Variants in MAP1A observed in about 807,000 individuals in gnomAD.
MAP1A encodes microtubule associated protein 1A, also known as microtubule-associated protein 1A.
A neutral mutation model predicts 185.9 loss-of-function variants in MAP1A; 42 were observed. The observed-to-expected ratio is 0.23, with a 90% CI of 0.18 to 0.29. The LOEUF is 0.29. MAP1A is among the 10% of genes least tolerant of loss of function. The probability of loss-of-function intolerance (pLI) is 1.00; values close to 1 mark genes in which losing one functional copy is unlikely to be tolerated. For synonymous variants in MAP1A, 1,229 were observed against 1,335.9 expected (o/e 0.92, Z 1.74); for missense variants, 2,995 against 3,450.4 (o/e 0.87, Z 3.31).
At position 43,526,603 on chromosome 15, in the gene MAP1A, C is replaced by A. The variant is rs766162870; in HGVS notation, c.5130C>A (p.His1710Gln). 9 of 1,614,148 alleles carry A rather than the reference C, an allele frequency of 5.6e-6. No individual in the cohort carries two copies. Among genetic ancestry groups the A allele is most frequent in the Non-Finnish European group, 7.6e-6 (9 of 1,180,032 alleles). Residue 1710 changes from histidine to glutamine, a missense_variant, in exon 4 of 6, where the codon CAC (histidine) becomes CAA (glutamine). Physicochemically the swap from His to Gln is conservative, Grantham distance 24. Coordinates refer to ENST00000300231, the MANE Select transcript of MAP1A (RefSeq NM_002373.6). This position sits in a 1 kb window ranked among gnomAD's most constrained non-coding sequence, Gnocchi z 4.7. ...LSCERKVWFP[H>Q]ELDGQGARPH... ...GTGAGCGGAAGGTCTGGTTCCCTCA[C>A]GAGCTGGATGGCCAGGGGGCCCGCC...
chr15:43,527,060 C>T lies in MAP1A; in HGVS notation c.5587C>T (p.Pro1863Ser), dbSNP rs774854013. ...TGCACCCCTCTCCCCAGCTCCTGGTCCCCCCACACCTGCCCCGGAATCCCA... is the reference window on the plus strand; with the variant it reads ...TGCACCCCTCTCCCCAGCTCCTGGTTCCCCCACACCTGCCCCGGAATCCCA... ...PPAPLSPAPG[P>S]PTPAPESHTP... The change falls in exon 4 of 6, where the codon CCC becomes TCC. Residue 1863 changes from proline (P) to serine (S), a missense_variant. Pro to Ser is a moderately conservative substitution (Grantham distance 74). Around this residue, in one of 3 missense-constraint regions of MAP1A, gnomAD observed 2,728 missense variants for 2,986.0 expected, o/e 0.91. Coordinates refer to ENST00000300231, the MANE Select transcript of MAP1A (RefSeq NM_002373.6). 1.3e-6 allele frequency: 2 copies of T among 1,556,994 alleles called. No individual in the cohort carries two copies. The highest frequency in any genetic ancestry group is 1.7e-6 in the Non-Finnish European group (2 of 1,148,512).
rs758518374 is a variant in MAP1A, at chr15:43,525,007, A to G, written c.3534A>G (p.Glu1178=). ...CCAAGTCTCCCTGTGGCCTGACAGA[A>G]CAGTACCTACACAAAGACCGTTGGC... is the stretch of plus-strand genomic sequence containing the variant. ...PTPKSPCGLT[E]QYLHKDRWPE... The change falls in exon 4 of 6, where the codon GAA becomes GAG. Residue 1178 remains glutamate, a synonymous_variant. Coordinates refer to ENST00000300231, the MANE Select transcript of MAP1A (RefSeq NM_002373.6). 1.2e-5 allele frequency: 19 copies of G among 1,614,176 alleles called. No homozygotes were observed. The highest frequency in any genetic ancestry group is 1.7e-5 in the Admixed American group (1 of 60,022).
intron 1 of MAP1A, among the ~76,000 whole-genome samples, chr15:43,519,018 A>T (rs529858033): frequency 6.6e-6 from 1 of 152,132 alleles, no homozygotes; most frequent in Non-Finnish European, 1.5e-5. Context: ...GGAGGGGTAG[A>T]TAGAAAGCAA....
In MAP1A at chr15:43,531,553, GT is replaced by G. The variant is rs1174323821; in HGVS notation, c.*1331del. The G allele has an allele frequency of 1.6e-4, 25 of 152,804 alleles. No individual in the cohort carries two copies. The highest frequency in any genetic ancestry group is 5.8e-4 in the African/African-American group (24 of 41,426). 9.5% of individuals were successfully genotyped at this position (152,804 alleles called of 1,614,324 possible). A position where few individuals can be genotyped will look rare whatever the true frequency, so the allele number is the denominator to read the frequency against. On this transcript the variant is annotated 3_prime_UTR_variant, in exon 6 of 6. Coordinates refer to ENST00000300231, the MANE Select transcript of MAP1A (RefSeq NM_002373.6). ...CTCCTCCCCACGCTTCCCTGCTATA[GT>G]TCCCAGCTGCTGTAACGGAGCCACC... is the stretch of plus-strand genomic sequence containing the variant.
At position 43,524,711 on chromosome 15, in the gene MAP1A, G is replaced by C; in HGVS notation, c.3238G>C (p.Asp1080His). 1 of 1,614,106 alleles carries C rather than the reference G, an allele frequency of 6.2e-7. No individual in the cohort carries two copies. The highest frequency in any genetic ancestry group is 8.5e-7 in the Non-Finnish European group (1 of 1,179,976). The change falls in exon 4 of 6, where the codon GAT (aspartate) becomes CAT (histidine). Residue 1080 changes from aspartate to histidine, a missense_variant. Asp to His is a moderately conservative substitution (Grantham distance 81, BLOSUM62 -1). This residue lies in a region of MAP1A where 2,728 missense variants were observed against 2,986.0 expected (regional missense o/e 0.91). Coordinates refer to ENST00000300231, the MANE Select transcript of MAP1A (RefSeq NM_002373.6). ...PQAQEAPVNI[D>H]EGLTGCTIQL... ...GGCCCAGGAAGCACCTGTCAACATTGATGAGGGGCTTACAGGCTGTACCAT... is the reference window on the plus strand; with the variant it reads ...GGCCCAGGAAGCACCTGTCAACATTCATGAGGGGCTTACAGGCTGTACCAT...
At position 43,524,898 on chromosome 15, in the gene MAP1A, A is replaced by T. The variant is rs372063953; in HGVS notation, c.3425A>T (p.Asp1142Val). The T allele has an allele frequency of 1.1e-4, 170 of 1,614,046 alleles. No individual in the cohort carries two copies. Among genetic ancestry groups the T allele is most frequent in the Non-Finnish European group, 1.4e-4 (167 of 1,180,036 alleles). Reference protein sequence around the residue: ...PQKDEVLRYPDRSLSPEDAES... With the variant: ...PQKDEVLRYPVRSLSPEDAES... ...AAAGATGAGGTGCTCAGATATCCTGACCGAAGCCTCTCTCCTGAAGATGCA... is the reference window on the plus strand; with the variant it reads ...AAAGATGAGGTGCTCAGATATCCTGTCCGAAGCCTCTCTCCTGAAGATGCA... The change falls in exon 4 of 6, where the codon GAC (aspartate) becomes GTC (valine). Residue 1142 changes from aspartate (D) to valine (V), a missense_variant. Asp to Val is a radical substitution (Grantham distance 152). Around this residue, in one of 3 missense-constraint regions of MAP1A, gnomAD observed 2,728 missense variants for 2,986.0 expected, o/e 0.91. Coordinates refer to ENST00000300231, the MANE Select transcript of MAP1A (RefSeq NM_002373.6).
Position 43,524,539 on chromosome 15 carries a change from A to G in MAP1A, c.3066A>G (p.Gln1022=), listed in dbSNP as rs749536251. ...QSPVEEKSEP[Q]DFQEADSWGD... Reference sequence around the variant, plus strand: ...CAGTGGAAGAAAAGTCTGAGCCCCAAGACTTTCAGGAGGCAGACTCCTGGG... The same window carrying G: ...CAGTGGAAGAAAAGTCTGAGCCCCAGGACTTTCAGGAGGCAGACTCCTGGG... Residue 1022 remains glutamine, a synonymous_variant, in exon 4 of 6, where the codon CAA becomes CAG. Coordinates refer to ENST00000300231, the MANE Select transcript of MAP1A (RefSeq NM_002373.6). 4.3e-6 allele frequency: 7 copies of G among 1,614,158 alleles called. No individual in the cohort carries two copies. The highest frequency in any genetic ancestry group is 5.9e-6 in the Non-Finnish European group (7 of 1,180,036).
Position 43,529,332 on chromosome 15 carries a change from G to T in MAP1A, c.7859G>T (p.Arg2620Leu). The T allele has an allele frequency of 2.5e-6, 4 of 1,614,036 alleles. No individual in the cohort carries two copies. Among genetic ancestry groups the T allele is most frequent in the Non-Finnish European group, 3.4e-6 (4 of 1,180,020 alleles). Residue 2620 changes from arginine to leucine, a missense_variant, in exon 4 of 6, where the codon CGG becomes CTG. Physicochemically the swap from Arg to Leu is moderately radical, Grantham distance 102. Around this residue, in one of 3 missense-constraint regions of MAP1A, gnomAD observed 2,728 missense variants for 2,986.0 expected, o/e 0.91. Transcript: ENST00000300231. The surrounding 1 kb of genome is among the most constrained non-coding windows in gnomAD (Gnocchi z 4.3). ...PGKAKPASPARRLDLRGKRSP... is the reference protein window; with the variant it reads ...PGKAKPASPALRLDLRGKRSP... ...AAGGCCAAGCCAGCGTCCCCTGCAC[G>T]GCGTCTGGATCTTCGGGGAAAACGC...
chr15:43,520,986 T>C lies in MAP1A; in HGVS notation c.-277T>C. 1 of 1,550,230 alleles carries C rather than the reference T, an allele frequency of 6.5e-7. No homozygotes were observed. The highest frequency in any genetic ancestry group is 1.2e-5 in the South Asian group (1 of 84,062). On this transcript the variant is annotated 5_prime_UTR_variant, in exon 3 of 6. Transcript: ENST00000300231. The stretch of plus-strand genomic sequence containing the variant: ...TTCCATTCCAGGTTCATCATCTTCT[T>C]AGCAGCTCATCAGCTTATAAACTAC...
Position 43,526,777 on chromosome 15 carries a change from G to A in MAP1A, c.5304G>A (p.Glu1768=), listed in dbSNP as rs370362236. The change falls in exon 4 of 6, where the codon GAG becomes GAA. Residue 1768 remains glutamate (E), a synonymous_variant. Coordinates refer to ENST00000300231, the MANE Select transcript of MAP1A (RefSeq NM_002373.6). This position sits in a 1 kb window ranked among gnomAD's most constrained non-coding sequence, Gnocchi z 4.7. ...FQESSPQKGL[E]VERWLAESPV... The stretch of plus-strand genomic sequence containing the variant: ...AATCCTCACCACAGAAGGGGCTAGA[G>A]GTGGAGCGCTGGCTTGCTGAATCAC... The A allele has an allele frequency of 1.5e-5, 25 of 1,614,050 alleles. No homozygotes were observed. The highest frequency in any genetic ancestry group is 4.0e-5 in the African/African-American group (3 of 74,914).
At position 43,524,625 on chromosome 15, in the gene MAP1A, C is replaced by T; in HGVS notation, c.3152C>T (p.Pro1051Leu). 1.2e-6 allele frequency: 2 copies of T among 1,614,156 alleles called. No homozygotes were observed. The highest frequency in any genetic ancestry group is 8.5e-7 in the Non-Finnish European group (1 of 1,180,018). The change falls in exon 4 of 6, where the codon CCA becomes CTA. Residue 1051 changes from proline to leucine, a missense_variant. Physicochemically the swap from Pro to Leu is moderately conservative, Grantham distance 98 (BLOSUM62 -3). Transcript: ENST00000300231. ...GATGCTGCTGAGGAGACAGTCAAGC[C>T]AGGGCCTGAAGAGGGCACACTAGAG... ...KEDAAEETVK[P>L]GPEEGTLEKE... is the part of the protein sequence containing the mutation.
At chr15:43,511,201 G>C (rs2079275651) in exon 1 of MAP1A, 1 of 1,550,506 alleles carries the variant, frequency 6.4e-7, no homozygotes. Context: ...GTCAGCTGAG[G>C]GCCGTGCGGG....
rs548783255 is a variant in MAP1A at position 43,522,934 on chromosome 15, C to T, written c.1461C>T (p.Asp487=). ...KAKVPGRVKI[D]RSRAIRGEKE... ...AGGTCCCTGGAAGAGTCAAAATAGACAGGAGCCGTGCTATCCGTGGGGAGA... is the reference window on the plus strand; with the variant it reads ...AGGTCCCTGGAAGAGTCAAAATAGATAGGAGCCGTGCTATCCGTGGGGAGA... Residue 487 remains aspartate (D), a synonymous_variant, in exon 4 of 6, where the codon GAC becomes GAT. Coordinates refer to ENST00000300231, the MANE Select transcript of MAP1A (RefSeq NM_002373.6). This position sits in a 1 kb window ranked among gnomAD's most constrained non-coding sequence, Gnocchi z 5.9. The T allele has an allele frequency of 3.6e-5, 58 of 1,613,908 alleles. No individual in the cohort carries two copies. The South Asian group carries it at 6.0e-4, about 17-fold the overall frequency.
In MAP1A at chr15:43,529,735, T is replaced by C. The variant is rs2079363617; in HGVS notation, c.8121T>C (p.Ala2707=). The C allele has an allele frequency of 2.5e-6, 4 of 1,614,120 alleles. No homozygotes were observed. Among genetic ancestry groups the C allele is most frequent in the Non-Finnish European group, 2.5e-6 (3 of 1,180,048 alleles). The stretch of plus-strand genomic sequence containing the variant: ...CGAATCATTGCAGTGGCAAGACTGC[T>C]GACCTTGACTTCTTCCGTCGAGTGC... The part of the protein sequence containing the change: ...YIPNHCSGKT[A]DLDFFRRVRA... The change falls in exon 5 of 6, where the codon GCT becomes GCC. Residue 2707 remains alanine, a synonymous_variant. Coordinates refer to ENST00000300231, the MANE Select transcript of MAP1A (RefSeq NM_002373.6). This position sits in a 1 kb window ranked among gnomAD's most constrained non-coding sequence, Gnocchi z 4.3.
Position 43,524,113 on chromosome 15 carries a change from T to C in MAP1A, c.2640T>C (p.Thr880=), listed in dbSNP as rs751332535. The part of the protein sequence containing the change: ...DTVTSIPSSR[T]EATQGLDYVP... ...TCACAAGCATCCCTTCCTCCCGTAC[T>C]GAAGCTACGCAGGGCTTGGACTATG... is the stretch of plus-strand genomic sequence containing the variant. Residue 880 remains threonine, a synonymous_variant, in exon 4 of 6, where the codon ACT becomes ACC. Coordinates refer to ENST00000300231, the MANE Select transcript of MAP1A (RefSeq NM_002373.6). 1.2e-5 allele frequency: 19 copies of C among 1,614,074 alleles called. No individual in the cohort carries two copies. The highest frequency in any genetic ancestry group is 1.7e-5 in the Admixed American group (1 of 60,012).
At chr15:43,520,601 A>G (rs1341215392) in intron 1 of MAP1A, 40 bp from the exon 2 acceptor site, 9 of 1,277,470 alleles carry the variant, frequency 7.0e-6, no homozygotes, top group Admixed American at 2.0e-5. Flanking sequence ...CACAATTTCT[A>G]TACCTATTCT....
At chr15:43,511,058 C>A (rs771733506) in exon 1 of MAP1A, 21 of 1,549,190 alleles carry the variant, frequency 1.4e-5, no homozygotes, top group Non-Finnish European at 1.6e-5. Flanking sequence ...GCTGGGGCTC[C>A]GAAGTCCCGG....
intron 2 of MAP1A, chr15:43,512,335 T>G: frequency 7.4e-7 from 1 of 1,356,212 alleles, no homozygotes; most frequent in Non-Finnish European, 1.0e-6. Flanking sequence ...TAAGAGCTGG[T>G]CACAGAGGTC....
In MAP1A at chr15:43,521,657, G is replaced by C; in HGVS notation, c.184G>C (p.Val62Leu). The C allele has an allele frequency of 6.2e-7, 1 of 1,614,136 alleles. No individual in the cohort carries two copies. Among genetic ancestry groups the C allele is most frequent in the Non-Finnish European group, 8.5e-7 (1 of 1,180,042 alleles). The change falls in exon 4 of 6, where the codon GTG (valine) becomes CTG (leucine). Residue 62 changes from valine (V) to leucine (L), a missense_variant. By Grantham distance (32) the Val-to-Leu change is conservative (BLOSUM62 1). Around this residue, in one of 3 missense-constraint regions of MAP1A, gnomAD observed 264 missense variants for 435.3 expected, o/e 0.61. Transcript: ENST00000300231. This position sits in a 1 kb window ranked among gnomAD's most constrained non-coding sequence, Gnocchi z 4.6. ...TGCTGTCAATGGTTTCAACATCCTG[G>C]TGGATGGTGGCTCTGATCGCAAGTC... Reference protein sequence around the residue: ...LFAVNGFNILVDGGSDRKSCF... With the variant: ...LFAVNGFNILLDGGSDRKSCF...
Sources: gnomAD v4.1 joint callset for allele counts (sites outside exome capture counted in the v4.1 genomes callset) on GRCh38, gnomAD v4.1.1 for gene constraint, gnomAD v4.1.1 regional missense constraint, Gnocchi (gnomAD v3.1) non-coding constraint, MANE v1.5 for transcripts, NCBI Gene and HGNC (gene_info 2026-07-23, HGNC 2026-07-21) for gene names.